Variants in UBN1 observed in about 807,000 individuals in gnomAD.
UBN1 encodes the protein ubinuclein 1.
In UBN1, 17 loss-of-function variants were observed where a neutral mutation model predicts 108.5. The ratio of observed to expected loss-of-function variants is 0.16; its 90% CI spans 0.11 to 0.24. UBN1 has a LOEUF of 0.24. UBN1 is among the 10% of genes least tolerant of loss of function. The probability of loss-of-function intolerance (pLI) is 1.00; values close to 1 mark genes in which losing one functional copy is unlikely to be tolerated. For synonymous variants in UBN1, 726 were observed against 564.2 expected, an observed-to-expected ratio of 1.29 and a Z score of -4.07; for missense variants, 1,595 against 1,394.4, an observed-to-expected ratio of 1.14 and a Z score of -2.29.
chr16:4,860,518 T>G (rs1341222913), intron 6 of UBN1, 146 bp from the exon 7 acceptor site: 1 of 843,156 alleles, frequency 1.2e-6, no homozygotes, highest in East Asian at 2.4e-5. Flanking sequence ...GAGCTCCATA[T>G]GCCAAGAGGA....
intron 7 of UBN1, among the ~76,000 whole-genome samples, chr16:4,862,642 C>T (rs1034594869): frequency 2.6e-5 from 4 of 152,184 alleles, no homozygotes; most frequent in East Asian, 3.8e-4. Context: ...GATAGATGGT[C>T]GTTAGAGAAA....
intron 2 of UBN1, among the ~76,000 whole-genome samples, chr16:4,855,059 C>T (rs1287823879): frequency 6.6e-6 from 1 of 152,160 alleles, no homozygotes; most frequent in African/African-American, 2.4e-5. Flanking sequence ...TCTGCCTTTG[C>T]ACTGTGCTAG....
rs2087803496 is a variant in UBN1 at position 4,874,823 on chromosome 16, A to G, written c.2413A>G (p.Lys805Glu). The change falls in exon 15 of 18, where the codon AAA becomes GAA. Residue 805 changes from lysine (K) to glutamate (E), a missense_variant. By Grantham distance (56) the Lys-to-Glu change is moderately conservative. Transcript: ENST00000262376. Reference sequence around the variant, plus strand: ...AGTTCCTGTGCCTGGCCCCCAGGTCAAAGTCTTTCATGCCGGCACTCAGCA... The same window carrying G: ...AGTTCCTGTGCCTGGCCCCCAGGTCGAAGTCTTTCATGCCGGCACTCAGCA... The part of the protein sequence containing the change: ...VAVPVPGPQV[K>E]VFHAGTQQQK... 1.9e-6 allele frequency: 3 copies of G among 1,614,080 alleles called. No homozygotes were observed. Among genetic ancestry groups the G allele is most frequent in the Non-Finnish European group, 2.5e-6 (3 of 1,180,036 alleles).
intron 1 of UBN1, among the ~76,000 whole-genome samples, chr16:4,851,598 C>G (rs928544380): frequency 6.6e-6 from 1 of 151,790 alleles, no homozygotes; most frequent in East Asian, 1.9e-4. Context: ...GAAGGAGGGT[C>G]GCTTGAGGTT....
chr16:4,865,789 C>T (rs1428262252), intron 7 of UBN1, among the ~76,000 whole-genome samples: 1 of 151,986 alleles, frequency 6.6e-6, no homozygotes, highest in Non-Finnish European at 1.5e-5. Context: ...GGTGAAACCC[C>T]ATCTCTACTA....
intron 8 of UBN1, 29 bp downstream of exon 8, chr16:4,868,932 T>G: frequency 6.2e-7 from 1 of 1,612,042 alleles, no homozygotes; most frequent in East Asian, 2.2e-5. Context: ...TCTGTCTGTC[T>G]GTCTGTTTCT....
rs74003530 is a variant in UBN1 at position 4,877,723 on chromosome 16, C to T, written c.3355+249C>T. The T allele has an allele frequency of 5.1e-4, 594 of 1,172,432 alleles. 2 individuals carry two copies. In the African/African-American group the frequency reaches 8.4e-3, roughly 17 times the overall value. 72.6% of individuals were successfully genotyped at this position (1,172,432 alleles called of 1,614,324 possible). ...GCCTGTGTGATCACAGGGAAAGTTG[C>T]GGGGGGCAGGGTGGTGCGCTTTTGT... On this transcript the variant is annotated intron_variant, in intron 17 of 17. Transcript: ENST00000262376. The surrounding 1 kb of genome is among the most constrained non-coding windows in gnomAD (Gnocchi z 4.3).
rs777922424 is a variant in UBN1 at position 4,868,437 on chromosome 16, C to G, written c.1111-396C>G. ...TTTGTAGATAAAAAGGCCTTTAAATCCTATAGACTGGTTGAAGTTCTTGAA... is the reference window on the plus strand; with the variant it reads ...TTTGTAGATAAAAAGGCCTTTAAATGCTATAGACTGGTTGAAGTTCTTGAA... On this transcript the variant is annotated intron_variant, in intron 7 of 17. Transcript: ENST00000262376. Among the ~76,000 whole-genome samples the G allele has an allele frequency of 1.2e-4, 19 of 152,274 alleles. No individual in the cohort carries two copies. In the South Asian group the frequency reaches 1.5e-3, roughly 12 times the overall value.
Position 4,880,277 on chromosome 16 carries a change from T to A in UBN1, c.*145T>A. On this transcript the variant is annotated 3_prime_UTR_variant, in exon 18 of 18. Transcript: ENST00000262376. ...TTCTCAGCGGAGCGCTTCTCGGCAC[T>A]TCTGATGTGCCTCCCATGGAGGGAG... The A allele has an allele frequency of 4.4e-6, 4 of 910,030 alleles. No homozygotes were observed. Among genetic ancestry groups the A allele is most frequent in the Non-Finnish European group, 7.0e-6 (4 of 573,610 alleles). The allele number at this position is 910,030 out of a possible 1,614,324, so 56.4% of individuals were successfully genotyped here.
At chr16:4,855,184 C>A (rs987706618) in intron 2 of UBN1, among the ~76,000 whole-genome samples, 1 of 151,990 alleles carries the variant, frequency 6.6e-6, no homozygotes, top group South Asian at 2.1e-4. Flanking sequence ...GAGTGTGGAA[C>A]GAGAATGAAA....
intron 3 of UBN1, 72 bp from the exon 4 acceptor site, chr16:4,858,496 T>G (rs1488655276): frequency 7.2e-7 from 1 of 1,382,282 alleles, no homozygotes; most frequent in Non-Finnish European, 1.0e-6. Flanking sequence ...TCATAGCTGA[T>G]GAAGTTCAAG....
chr16:4,866,347 T>C (rs2063101), intron 7 of UBN1, among the ~76,000 whole-genome samples: 82,178 of 151,996 alleles, frequency 0.54, 23,121 homozygotes, highest in African/African-American at 0.69. Flanking sequence ...CATTTTCTTC[T>C]GACTTAGTTT....
chr16:4,852,794 C>G, intron 1 of UBN1, 85 bp from the exon 2 acceptor site: 1 of 1,307,548 alleles, frequency 7.6e-7, no homozygotes, highest in Non-Finnish European at 1.0e-6. Context: ...CAATGAAATT[C>G]TCTTAAACTT....
chr16:4,868,802 C>T (rs2087462288), intron 7 of UBN1, 31 bp from the exon 8 acceptor site: 1 of 1,610,522 alleles, frequency 6.2e-7, no homozygotes, highest in Non-Finnish European at 8.5e-7. Flanking sequence ...GGAAAGTGCA[C>T]TAACGGCTGT....
chr16:4,852,840 A>G lies in UBN1; in HGVS notation c.-39-39A>G, dbSNP rs8056790. ...AATTAGGCAGGTAAACTATTTTATC[A>G]TCTTCGTTTGACCTGGCCCTTCTTT... On this transcript the variant is annotated intron_variant, in intron 1 of 17. Transcript: ENST00000262376. 12,395 of 1,504,150 alleles carry G rather than the reference A, an allele frequency of 8.2e-3. 826 individuals are homozygous for G. In the African/African-American group the frequency reaches 0.15, roughly 18 times the overall value. 93.2% of individuals were successfully genotyped at this position (1,504,150 alleles called of 1,614,324 possible).
intron 7 of UBN1, among the ~76,000 whole-genome samples, chr16:4,866,642 A>G (rs997876924): frequency 6.6e-6 from 1 of 152,180 alleles, no homozygotes; most frequent in Non-Finnish European, 1.5e-5. Context: ...CCTCCAGAGT[A>G]GTTGGGACCA....
chr16:4,860,168 TG>T (rs1286431867), intron 6 of UBN1, among the ~76,000 whole-genome samples, 200 bp downstream of exon 6: 2 of 152,204 alleles, frequency 1.3e-5, no homozygotes, highest in Non-Finnish European at 2.9e-5. Flanking sequence ...CTGTCAGTGT[TG>T]GCAGCTATTG....
Position 4,860,737 on chromosome 16 carries a change from C to G in UBN1, c.745C>G (p.Leu249Val). ...TGGGGCTTTAAGCGTTAAAGAGATGCTAAAGAAATTTCAGAAAGAGAAAGA... is the reference window on the plus strand; with the variant it reads ...TGGGGCTTTAAGCGTTAAAGAGATGGTAAAGAAATTTCAGAAAGAGAAAGA... The part of the protein sequence containing the change: ...YSGALSVKEM[L>V]KKFQKEKEAQ... The change falls in exon 7 of 18, where the codon CTA becomes GTA. Residue 249 changes from leucine to valine, a missense_variant. Leu to Val is a conservative substitution (Grantham distance 32). This residue lies in a region of UBN1 where 1,398 missense variants were observed against 1,194.7 expected (regional missense o/e 1.17). Transcript: ENST00000262376. 6.2e-7 allele frequency: 1 copy of G among 1,614,190 alleles called. No individual in the cohort carries two copies. Among genetic ancestry groups the G allele is most frequent in the Non-Finnish European group, 8.5e-7 (1 of 1,180,038 alleles).
chr16:4,857,819 T>C (rs760290504), intron 2 of UBN1, among the ~76,000 whole-genome samples, 171 bp from the exon 3 acceptor site: 5 of 152,160 alleles, frequency 3.3e-5, no homozygotes, highest in African/African-American at 1.2e-4. Flanking sequence ...TAAGGGAAAT[T>C]TTACTTTCTT....
Sources: allele counts gnomAD v4.1 joint callset (sites outside exome capture counted in the v4.1 genomes callset), GRCh38; gene constraint gnomAD v4.1.1; regional missense constraint gnomAD v4.1.1; non-coding constraint Gnocchi (gnomAD v3.1); transcripts MANE v1.5; gene names NCBI Gene and HGNC (gene_info 2026-07-23, HGNC 2026-07-21).